The following ZFHX3 variants were observed in gnomAD, a reference collection of about 807,000 sequenced individuals.
ZFHX3 encodes the protein zinc finger homeobox 3.
In ZFHX3, 42 loss-of-function variants were observed where a neutral mutation model predicts 279.1. The ratio of observed to expected loss-of-function variants is 0.15; its 90% CI spans 0.12 to 0.19. The LOEUF (loss-of-function observed/expected upper bound fraction) is 0.19. Ranked by LOEUF, ZFHX3 falls within the 10% of genes least tolerant of loss-of-function variation. The pLI is 1.00. For missense variants in ZFHX3, 4,981 were observed against 4,754.0 expected, an observed-to-expected ratio of 1.05 and a Z score of -1.40; for synonymous variants, 2,293 against 1,957.8, an observed-to-expected ratio of 1.17 and a Z score of -4.52.
intron 1 of ZFHX3, among the ~76,000 whole-genome samples, chr16:72,980,157 G>C (rs1050087858): frequency 3.3e-5 from 5 of 152,084 alleles, no homozygotes; most frequent in African/African-American, 1.2e-4. Context: ...TCAGAGAGCC[G>C]GTCAGTGGCA....
At position 72,795,289 on chromosome 16, in the gene ZFHX3, T is replaced by C; in HGVS notation, c.7393A>G (p.Asn2465Asp). 1 of 1,613,870 alleles carries C rather than the reference T, an allele frequency of 6.2e-7. No individual in the cohort carries two copies. The highest frequency in any genetic ancestry group is 8.5e-7 in the Non-Finnish European group (1 of 1,179,944). Residue 2465 changes from asparagine to aspartate, a missense_variant, in exon 9 of 10, where the codon AAC (asparagine) becomes GAC (aspartate). Asn to Asp is a conservative substitution (Grantham distance 23). Around this residue, in one of 7 missense-constraint regions of ZFHX3, gnomAD observed 744 missense variants for 701.3 expected, o/e 1.06. Transcript: ENST00000268489. ...QQQEQPEQKT[N>D]TPQQKLPQLV... ...TGGGGGAGCTTCTGCTGGGGAGTGT[T>C]GGTCTTCTGCTCGGGCTGCTCTTGC...
intron 2 of ZFHX3, among the ~76,000 whole-genome samples, chr16:73,639,080 C>A (rs2052552013): frequency 6.6e-6 from 1 of 152,078 alleles, no homozygotes; most frequent in African/African-American, 2.4e-5. Flanking sequence ...AAAAAAATAC[C>A]ATGCAACGGT....
At chr16:73,192,397 T>C (rs761523987) in intron 5 of ZFHX3, among the ~76,000 whole-genome samples, 1 of 152,062 alleles carries the variant, frequency 6.6e-6, no homozygotes, top group Admixed American at 6.6e-5. Flanking sequence ...AAAGGTTGAG[T>C]GACTTCTCCC....
chr16:72,943,684 A>G (rs1960524397), intron 3 of ZFHX3, among the ~76,000 whole-genome samples: 1 of 152,204 alleles, frequency 6.6e-6, no homozygotes, highest in Non-Finnish European at 1.5e-5. Flanking sequence ...ACTGTGTGGG[A>G]GTCTGGCCGT....
chr16:72,820,483 C>T (rs1024965330), intron 5 of ZFHX3, among the ~76,000 whole-genome samples: 2 of 152,226 alleles, frequency 1.3e-5, no homozygotes, highest in African/African-American at 2.4e-5. Flanking sequence ...AGCTGTTGGT[C>T]TGTTTAATAA....
intron 1 of ZFHX3, among the ~76,000 whole-genome samples, chr16:73,735,293 T>C (rs1195785227): frequency 1.3e-5 from 2 of 151,200 alleles, no homozygotes; most frequent in Admixed American, 6.6e-5. Context: ...ACTATAAGGT[T>C]TGATGATAAA....
At chr16:73,725,243 G>T (rs2053508095) in intron 1 of ZFHX3, among the ~76,000 whole-genome samples, 1 of 152,144 alleles carries the variant, frequency 6.6e-6, no homozygotes, top group Non-Finnish European at 1.5e-5. Context: ...TATATAAAAA[G>T]AAAACTAGCC....
At chr16:73,126,779 C>G (rs903062901) in intron 7 of ZFHX3, 2 of 152,256 alleles carry the variant, frequency 1.3e-5, no homozygotes, top group Non-Finnish European at 2.9e-5. Context: ...TTGTGAGATT[C>G]TTTCTGGGGC....
intron 3 of ZFHX3, among the ~76,000 whole-genome samples, chr16:73,367,577 C>T (rs547216377): frequency 5.3e-5 from 8 of 152,098 alleles, no homozygotes; most frequent in Non-Finnish European, 1.2e-4. Context: ...CTTGGTTTCT[C>T]CCTTTCCATC....
chr16:73,854,177 G>A (rs928927435), intron 1 of ZFHX3, among the ~76,000 whole-genome samples: 2 of 152,098 alleles, frequency 1.3e-5, no homozygotes, highest in Non-Finnish European at 2.9e-5. Flanking sequence ...TAAACTTGTT[G>A]GAATGTTTAC....
At chr16:72,967,606 C>T (rs529717859) in intron 1 of ZFHX3, among the ~76,000 whole-genome samples, 4 of 152,060 alleles carry the variant, frequency 2.6e-5, no homozygotes, top group African/African-American at 7.2e-5. Context: ...TCAATGGGTA[C>T]CCAAACTAAT....
At chr16:73,331,436 A>T (rs1193644140) in intron 3 of ZFHX3, among the ~76,000 whole-genome samples, 1 of 152,230 alleles carries the variant, frequency 6.6e-6, no homozygotes, top group East Asian at 1.9e-4. Flanking sequence ...ACTATTCCTC[A>T]ATGTGACAAG....
At chr16:73,097,650 C>T (rs367965208) in intron 7 of ZFHX3, among the ~76,000 whole-genome samples, 2 of 152,104 alleles carry the variant, frequency 1.3e-5, no homozygotes, top group Admixed American at 6.5e-5. Flanking sequence ...AGACTATGGC[C>T]ACGATCTCTT....
intron 3 of ZFHX3, among the ~76,000 whole-genome samples, chr16:73,411,263 A>C (rs2017460611): frequency 6.6e-6 from 1 of 152,228 alleles, no homozygotes; most frequent in South Asian, 2.1e-4. Context: ...CTTCTTGTAC[A>C]GTGGGATTTA....
chr16:73,817,338 G>A (rs1161802474), intron 1 of ZFHX3, among the ~76,000 whole-genome samples: 1 of 152,150 alleles, frequency 6.6e-6, no homozygotes, highest in Non-Finnish European at 1.5e-5. Context: ...ATATTCTGGA[G>A]AGGGCGAAAA....
At chr16:73,707,475 C>G (rs893149040) in intron 1 of ZFHX3, among the ~76,000 whole-genome samples, 1 of 150,628 alleles carries the variant, frequency 6.6e-6, no homozygotes, top group Non-Finnish European at 1.5e-5. Flanking sequence ...TCATTCTCAG[C>G]AAACTATCTC....
chr16:73,227,848 C>CAAAAAAAA lies in ZFHX3; in HGVS notation c.-1104+29191_-1104+29198dup, dbSNP rs398029895. 5.4e-4 allele frequency among the ~76,000 whole-genome samples: 25 copies of CAAAAAAAA among 46,058 alleles called. 1 individual carries two copies. Among genetic ancestry groups the CAAAAAAAA allele is most frequent in the African/African-American group, 2.5e-3 (24 of 9,450 alleles). The allele number at this position is 46,058 out of a possible 152,430, so 30.2% of individuals were successfully genotyped here. A position where few individuals can be genotyped will look rare whatever the true frequency, so the allele number is the denominator to read the frequency against. ...TGAGCAACAGAGCAAGATTCTGTCT[C>CAAAAAAAA]AAAAAAAAAAAAAAAAAAAAAAAAA... is the stretch of plus-strand genomic sequence containing the variant. On this transcript the variant is annotated intron_variant, in intron 5 of 17. Transcript: ENST00000641206.
At chr16:73,670,638 G>A (rs967620644) in intron 2 of ZFHX3, among the ~76,000 whole-genome samples, 7 of 152,174 alleles carry the variant, frequency 4.6e-5, no homozygotes, top group Non-Finnish European at 1.0e-4. Context: ...TAGGGAAAAC[G>A]TAATGAAATA....
intron 1 of ZFHX3, among the ~76,000 whole-genome samples, chr16:72,966,598 G>A (rs891125336): frequency 1.3e-5 from 2 of 152,134 alleles, no homozygotes; most frequent in African/African-American, 4.8e-5. Context: ...ACCACTCCAG[G>A]GAATCTCCTA....
Sources: allele counts gnomAD v4.1 joint callset (sites outside exome capture counted in the v4.1 genomes callset), GRCh38; gene constraint gnomAD v4.1.1; regional missense constraint gnomAD v4.1.1; transcripts MANE v1.5; gene names NCBI Gene and HGNC (gene_info 2026-07-23, HGNC 2026-07-21).